HELLS: variants seen among roughly 807,000 people sequenced by gnomAD.
HELLS encodes the protein helicase, lymphoid specific, also known as lymphoid-specific helicase.
A neutral mutation model predicts 120.0 loss-of-function variants in HELLS; 32 were observed. That is an observed-to-expected ratio of 0.27 (90% CI 0.20 to 0.36). HELLS has a LOEUF of 0.36. Ranked by LOEUF, HELLS falls within the 10% of genes least tolerant of loss-of-function variation. The pLI is 1.00. For missense variants in HELLS, 650 were observed against 993.4 expected (o/e 0.65, Z 4.65); for synonymous variants, 341 against 323.4 (o/e 1.05, Z -0.58).
chr10:94,562,707 A>G lies in HELLS; in HGVS notation c.350A>G (p.Asp117Gly), dbSNP rs888754330. The G allele has an allele frequency of 5.0e-6, 8 of 1,588,804 alleles. No homozygotes were observed. In the Admixed American group the frequency reaches 6.9e-5, roughly 14 times the overall value. ...GTTTTGTAGGGTAAAAATTCAATTG[A>G]TGCAAGTGAAGAGAAGCCAGGTAAA... The part of the protein sequence containing the change: ...LKVKKGKNSI[D>G]ASEEKPVMRK... Residue 117 changes from aspartate (D) to glycine (G), a missense_variant, in exon 5 of 22, where the codon GAT becomes GGT. By Grantham distance (94) the Asp-to-Gly change is moderately conservative. This residue lies in a region of HELLS where 113 missense variants were observed against 120.7 expected (regional missense o/e 0.94). Coordinates refer to ENST00000348459, the MANE Select transcript of HELLS (RefSeq NM_018063.5).
chr10:94,564,491 T>A (rs1843695248), intron 6 of HELLS, among the ~76,000 whole-genome samples: 1 of 152,248 alleles, frequency 6.6e-6, no homozygotes, highest in Non-Finnish European at 1.5e-5. Flanking sequence ...TGAAATCATA[T>A]GCTCTTTTCT....
chr10:94,592,494 TACTC>T lies in HELLS; in HGVS notation c.1953_1956del (p.Tyr651Ter). 6.7e-7 allele frequency: 1 copy of T among 1,489,882 alleles called. No homozygotes were observed. The highest frequency in any genetic ancestry group is 8.9e-7 in the Non-Finnish European group (1 of 1,121,974). The allele number at this position is 1,489,882 out of a possible 1,614,324, so 92.3% of individuals were successfully genotyped here. On this transcript the variant is annotated frameshift_variant, in exon 17 of 22. Transcript: ENST00000348459. LOFTEE classifies it high-confidence loss of function. The stretch of plus-strand genomic sequence containing the variant: ...CAGCAGGCTTGATGGGTCCATGTCT[TACTC>T]AGAGAGAGAAAAAAACGTAAGACTA...
exon 10 of HELLS, chr10:94,610,001 T>C (rs931051298): frequency 1.3e-5 from 2 of 152,190 alleles, no homozygotes; most frequent in African/African-American, 4.8e-5. Context: ...AAATTCATCA[T>C]TGATCAATTC....
intron 3 of HELLS, among the ~76,000 whole-genome samples, chr10:94,557,021 C>T (rs1346674154): frequency 2.0e-5 from 3 of 152,230 alleles, no homozygotes; most frequent in Non-Finnish European, 2.9e-5. Context: ...ACTTCATCTT[C>T]AAGCCCTGAC....
At chr10:94,584,700 T>G (rs1845036098) in intron 12 of HELLS, among the ~76,000 whole-genome samples, 1 of 152,160 alleles carries the variant, frequency 6.6e-6, no homozygotes, top group African/African-American at 2.4e-5. Context: ...TGCCTTTTGA[T>G]TGAACATTTG....
chr10:94,604,404 G>A (rs1846103436), downstream of HELLS, among the ~76,000 whole-genome samples: 1 of 152,054 alleles, frequency 6.6e-6, no homozygotes, highest in Non-Finnish European at 1.5e-5. Flanking sequence ...ACAGGCCTGA[G>A]CCAATGCGCC....
Position 94,546,503 on chromosome 10 carries a change from T to C in HELLS, c.153+5T>C. The C allele has an allele frequency of 6.2e-7, 1 of 1,613,946 alleles. No homozygotes were observed. Among genetic ancestry groups the C allele is most frequent in the Non-Finnish European group, 8.5e-7 (1 of 1,179,994 alleles). On this transcript the variant is annotated splice_donor_5th_base_variant and intron_variant, in intron 2 of 21. Coordinates refer to ENST00000348459, the MANE Select transcript of HELLS (RefSeq NM_018063.5). ...GAGCGGAAGATGCTGGAAAAGGTAA[T>C]TTAGGCATCAGGTTCGTCGTCGTGA...
Position 94,558,209 on chromosome 10 carries a change from C to A in HELLS, c.333+14C>A. ...AAAGTTAAAAAGGTAATATAGCCAG[C>A]CGGAATATTTTTTATGTCATTTAAA... On this transcript the variant is annotated intron_variant, in intron 4 of 21. Transcript: ENST00000348459. The A allele has an allele frequency of 1.3e-6, 2 of 1,539,178 alleles. No homozygotes were observed. The highest frequency in any genetic ancestry group is 2.3e-5 in the Admixed American group (1 of 42,672).
intron 7 of HELLS, among the ~76,000 whole-genome samples, chr10:94,572,747 A>C (rs1564594148): frequency 6.6e-6 from 1 of 152,040 alleles, no homozygotes; most frequent in African/African-American, 2.4e-5. Context: ...GAAAGTACAG[A>C]TTTTCCCCCC....
In HELLS at chr10:94,608,913, A is replaced by G. The variant is rs545060635; in HGVS notation, c.*1+887A>G. 2.6e-5 allele frequency among the ~76,000 whole-genome samples: 4 copies of G among 151,728 alleles called. No homozygotes were observed. In the East Asian group the frequency reaches 5.8e-4, roughly 22 times the overall value. ...AATCTTCCTGTCTTGGCCTCCCAAT[A>G]GCATAAGCTACCGCACCCAGCCCAC... On this transcript the variant is annotated intron_variant, in intron 9 of 9. Transcript: ENST00000371327.
At chr10:94,549,943 A>G (rs1460451195) in intron 2 of HELLS, among the ~76,000 whole-genome samples, 1 of 152,112 alleles carries the variant, frequency 6.6e-6, no homozygotes, top group Non-Finnish European at 1.5e-5. Flanking sequence ...TTTTTGAGAC[A>G]GAGTTTCACT....
chr10:94,557,222 A>T (rs1843316621), intron 3 of HELLS: 1 of 413,648 alleles, frequency 2.4e-6, no homozygotes, highest in Non-Finnish European at 4.9e-6. Flanking sequence ...GAGAGAATAC[A>T]GTAAGTCCCG....
At chr10:94,607,817 G>A (rs573064012) in intron 8 of HELLS, 6 of 272,546 alleles carry the variant, frequency 2.2e-5, no homozygotes, top group African/African-American at 9.2e-5. Flanking sequence ...CTCTGCCTCC[G>A]AGCGGGGTCC....
chr10:94,554,116 CT>C lies in HELLS; in HGVS notation c.154-7del. On this transcript the variant is annotated splice_polypyrimidine_tract_variant and intron_variant, in intron 2 of 21. Transcript: ENST00000348459. ...GTGTTCATAATTATGGAAATTTTCT[CT>C]TTGGATAGGCTCGCATGTCTTGGGA... 1 of 1,553,664 alleles carries C rather than the reference CT, an allele frequency of 6.4e-7. No individual in the cohort carries two copies. Among genetic ancestry groups the C allele is most frequent in the Non-Finnish European group, 8.6e-7 (1 of 1,158,294 alleles).
chr10:94,553,552 A>ATTT (rs397844496), intron 2 of HELLS, among the ~76,000 whole-genome samples: 1 of 122,290 alleles, frequency 8.2e-6, no homozygotes, highest in African/African-American at 3.2e-5. Context: ...CCTGGCCCCA[A>ATTT]TTTTTTTTTT....
At position 94,590,655 on chromosome 10, in the gene HELLS, A is replaced by G. The variant is rs1464788442; in HGVS notation, c.1646A>G (p.Asn549Ser). The G allele has an allele frequency of 8.7e-6, 14 of 1,609,718 alleles. No individual in the cohort carries two copies. In the Admixed American group the frequency reaches 2.2e-4, roughly 25 times the overall value. ...TTTGGTAGAGCTGTTGTGGAAGTGA[A>G]TATCCCTGTAGAATCTGAAGTTAAT... is the stretch of plus-strand genomic sequence containing the variant. ...VDRERAVVEV[N>S]IPVESEVNLK... The change falls in exon 15 of 22, where the codon AAT becomes AGT. Residue 549 changes from asparagine (N) to serine (S), a missense_variant. Transcript: ENST00000348459.
chr10:94,550,120 A>G (rs181598598), intron 2 of HELLS, among the ~76,000 whole-genome samples: 1 of 151,968 alleles, frequency 6.6e-6, no homozygotes, highest in Non-Finnish European at 1.5e-5. Context: ...GGGTTTCTCC[A>G]TGTTGGTCAG....
chr10:94,609,136 G>A (rs1846161121), intron 9 of HELLS, among the ~76,000 whole-genome samples: 1 of 145,560 alleles, frequency 6.9e-6, no homozygotes, highest in Admixed American at 7.3e-5. Flanking sequence ...CGATTCTCCT[G>A]CCTCCATCTT....
chr10:94,565,119 G>A (rs1032744951), intron 6 of HELLS, among the ~76,000 whole-genome samples: 1 of 152,080 alleles, frequency 6.6e-6, no homozygotes, highest in Non-Finnish European at 1.5e-5. Context: ...GGTGGATCCC[G>A]TGAGGCCAGG....
Sources: gnomAD v4.1 joint callset for allele counts (sites outside exome capture counted in the v4.1 genomes callset) on GRCh38, gnomAD v4.1.1 for gene constraint, gnomAD v4.1.1 regional missense constraint, MANE v1.5 for transcripts, NCBI Gene and HGNC (gene_info 2026-07-23, HGNC 2026-07-21) for gene names.